Variants in NUMA1 observed in about 807,000 individuals in gnomAD.
NUMA1 encodes SP-H antigen.
A neutral mutation model predicts 237.1 loss-of-function variants in NUMA1; 62 were observed. The ratio of observed to expected loss-of-function variants is 0.26; its 90% CI spans 0.21 to 0.32. NUMA1 has a LOEUF of 0.32. Ranked by LOEUF, NUMA1 falls within the 10% of genes least tolerant of loss-of-function variation. NUMA1 has a pLI of 1.00. For missense variants in NUMA1, 2,533 were observed against 2,666.5 expected (o/e 0.95, Z 1.10); for synonymous variants, 1,028 against 1,066.1 (o/e 0.96, Z 0.70).
At chr11:72,066,695 A>G (rs1172746629) in intron 2 of NUMA1, 5 of 152,148 alleles carry the variant, frequency 3.3e-5, no homozygotes, top group Non-Finnish European at 7.3e-5. Context: ...TCTTTCCTCT[A>G]TGTGCTCCCA....
intron 2 of NUMA1, among the ~76,000 whole-genome samples, chr11:72,050,035 G>A (rs186396480): frequency 3.3e-5 from 5 of 152,162 alleles, no homozygotes; most frequent in South Asian, 2.1e-4. Context: ...TCCCCAAAGC[G>A]AGGCACATGT....
Position 72,018,953 on chromosome 11 carries a change from G to A in NUMA1, c.612C>T (p.Pro204=). ...GTGGGGTCTGCAGGATATCACCCAT[G>A]GGAGAAGCTGGAGAACCTGAGAGAA... ...NNFLSGSPAS[P]MGDILQTPQF... The change falls in exon 10 of 27, where the codon CCC becomes CCT. Residue 204 remains proline, a synonymous_variant. Coordinates refer to ENST00000393695, the MANE Select transcript of NUMA1 (RefSeq NM_006185.4). 1 of 1,614,000 alleles carries A rather than the reference G, an allele frequency of 6.2e-7. No individual in the cohort carries two copies. Among genetic ancestry groups the A allele is most frequent in the Non-Finnish European group, 8.5e-7 (1 of 1,180,016 alleles).
chr11:72,010,040 C>T (rs1204744738), intron 17 of NUMA1, among the ~76,000 whole-genome samples: 1 of 152,202 alleles, frequency 6.6e-6, no homozygotes, highest in African/African-American at 2.4e-5. Flanking sequence ...ATAGAAGCAT[C>T]CCCCCTTTGC....
chr11:72,058,369 A>C (rs566434721), intron 2 of NUMA1, among the ~76,000 whole-genome samples: 1 of 152,268 alleles, frequency 6.6e-6, no homozygotes, highest in African/African-American at 2.4e-5. Flanking sequence ...ATTGCTCTGC[A>C]ACTTATCTCA....
Position 72,004,061 on chromosome 11 carries a change from G to A in NUMA1, c.6162C>T (p.Asn2054=). 7.4e-6 allele frequency: 12 copies of A among 1,613,594 alleles called. No individual in the cohort carries two copies. Among genetic ancestry groups the A allele is most frequent in the Non-Finnish European group, 9.3e-6 (11 of 1,179,786 alleles). ...GGCTGTTCCCTAGCTTCTTGGGTGT[G>A]TTGAGGATGCTGAAGGCCATCGACT... ...RRQSMAFSIL[N]TPKKLGNSLL... is the part of the protein sequence containing the mutation. Residue 2054 remains asparagine, a synonymous_variant, in exon 26 of 27, where the codon AAC becomes AAT. Coordinates refer to ENST00000393695, the MANE Select transcript of NUMA1 (RefSeq NM_006185.4).
intron 11 of NUMA1, 36 bp from the exon 12 acceptor site, chr11:72,018,336 G>C: frequency 1.9e-6 from 3 of 1,607,660 alleles, no homozygotes; most frequent in Non-Finnish European, 2.6e-6. Flanking sequence ...GAGAGTATGG[G>C]TTCCTGGCTG....
At chr11:72,007,051 T>G in intron 21 of NUMA1, 138 bp downstream of exon 21, 1 of 1,046,118 alleles carries the variant, frequency 9.6e-7, no homozygotes, top group Non-Finnish European at 1.4e-6. Flanking sequence ...CTGCCCTTTT[T>G]AAGACCTCTC....
At chr11:72,045,291 C>T (rs1941934040) in intron 2 of NUMA1, among the ~76,000 whole-genome samples, 1 of 151,922 alleles carries the variant, frequency 6.6e-6, no homozygotes, top group East Asian at 1.9e-4. Flanking sequence ...GCTGTAGGCT[C>T]CCCATCACCT....
intron 2 of NUMA1, among the ~76,000 whole-genome samples, chr11:72,058,995 G>A (rs1387597820): frequency 6.6e-6 from 1 of 152,102 alleles, no homozygotes; most frequent in Non-Finnish European, 1.5e-5. Context: ...ATAATACGGA[G>A]GTATCTAGAG....
chr11:72,065,325 T>TC (rs1565290938), intron 2 of NUMA1: 12 of 152,028 alleles, frequency 7.9e-5, no homozygotes, highest in African/African-American at 2.9e-4. Context: ...AAAAATGATT[T>TC]GAAAAAAATT....
chr11:72,003,929 G>A lies in NUMA1; in HGVS notation c.6294C>T (p.Ala2098=). Residue 2098 remains alanine (A), a synonymous_variant, in exon 26 of 27, where the codon GCC becomes GCT. Transcript: ENST00000393695. Reference sequence around the variant, plus strand: ...GGGTGGCACCAATGGCGGCAGCAGTGGCGGCGCTGGCTGTGGTGGTGGCAA... The same window carrying A: ...GGGTGGCACCAATGGCGGCAGCAGTAGCGGCGCTGGCTGTGGTGGTGGCAA... ...PRIATTTASA[A]TAAAIGATPR... is the part of the protein sequence containing the mutation. The A allele has an allele frequency of 6.2e-7, 1 of 1,613,066 alleles. No homozygotes were observed. The highest frequency in any genetic ancestry group is 8.5e-7 in the Non-Finnish European group (1 of 1,179,678).
chr11:72,006,392 A>G (rs1242593842), intron 21 of NUMA1, 129 bp from the exon 22 acceptor site: 2 of 725,054 alleles, frequency 2.8e-6, no homozygotes, highest in African/African-American at 1.8e-5. Flanking sequence ...AAAGGTCCTT[A>G]AAGTGTGTGT....
intron 2 of NUMA1, among the ~76,000 whole-genome samples, chr11:72,036,499 T>C (rs1263190603): frequency 6.6e-6 from 1 of 152,222 alleles, no homozygotes; most frequent in Non-Finnish European, 1.5e-5. Flanking sequence ...CAATAAATAA[T>C]TACTGTTCTT....
At chr11:72,054,150 T>A (rs1221770809) in intron 2 of NUMA1, among the ~76,000 whole-genome samples, 1 of 152,010 alleles carries the variant, frequency 6.6e-6, no homozygotes, top group Non-Finnish European at 1.5e-5. Flanking sequence ...TAAATGAACA[T>A]GTGTGCCAAA....
intron 2 of NUMA1, among the ~76,000 whole-genome samples, chr11:72,057,605 A>G (rs1418855258): frequency 1.3e-5 from 2 of 151,506 alleles, no homozygotes; most frequent in Non-Finnish European, 2.9e-5. Flanking sequence ...TCAGTTGGGC[A>G]TGGTGGCAGG....
chr11:72,051,518 T>G (rs1401424159), intron 2 of NUMA1, among the ~76,000 whole-genome samples: 1 of 150,184 alleles, frequency 6.7e-6, no homozygotes, highest in Non-Finnish European at 1.5e-5. Flanking sequence ...CTGCCCAGGC[T>G]GGAGTGCAGT....
intron 3 of NUMA1, among the ~76,000 whole-genome samples, chr11:72,035,297 G>A (rs1565254591): frequency 6.6e-6 from 1 of 152,174 alleles, no homozygotes; most frequent in Non-Finnish European, 1.5e-5. Flanking sequence ...AATGGCAACA[G>A]ACAGAAAGGT....
intron 16 of NUMA1, 164 bp downstream of exon 16, chr11:72,012,237 A>C: frequency 1.5e-6 from 1 of 677,002 alleles, no homozygotes; most frequent in Non-Finnish European, 2.6e-6. Flanking sequence ...AGCCCAGCAC[A>C]CCACACTCCT....
At position 72,003,434 on chromosome 11, in the gene NUMA1, G is replaced by C. The variant is rs1955397975; in HGVS notation, c.*93C>G. On this transcript the variant is annotated 3_prime_UTR_variant, in exon 27 of 27. Coordinates refer to ENST00000393695, the MANE Select transcript of NUMA1 (RefSeq NM_006185.4). ...GGGTTTGGCTACTGTTGGCCTGGGA[G>C]CTGAGAGAAGGCACTGAGAGGGACA... 3 of 1,257,072 alleles carry C rather than the reference G, an allele frequency of 2.4e-6. No individual in the cohort carries two copies. The highest frequency in any genetic ancestry group is 2.3e-6 in the Non-Finnish European group (2 of 853,930). 77.9% of individuals were successfully genotyped at this position (1,257,072 alleles called of 1,614,324 possible).
Sources: gnomAD v4.1 joint callset for allele counts (sites outside exome capture counted in the v4.1 genomes callset) on GRCh38, gnomAD v4.1.1 for gene constraint, MANE v1.5 for transcripts, NCBI Gene and HGNC (gene_info 2026-07-23, HGNC 2026-07-21) for gene names.